The following KIF5C variants were observed in gnomAD, a reference collection of about 807,000 sequenced individuals.
The protein encoded by KIF5C is kinesin family member 5C.
KIF5C carries 18 observed loss-of-function variants against 125.2 expected under a neutral mutation model. That is an observed-to-expected ratio of 0.14 (90% CI 0.10 to 0.21). The LOEUF (loss-of-function observed/expected upper bound fraction) is 0.21. Among genes scored for constraint, KIF5C ranks in the 10% least tolerant of loss-of-function variants. KIF5C has a pLI of 1.00. For synonymous variants in KIF5C, 405 were observed against 434.0 expected (o/e 0.93, Z 0.83); for missense variants, 780 against 1,183.8 (o/e 0.66, Z 5.01).
intron 8 of KIF5C, among the ~76,000 whole-genome samples, chr2:148,948,150 A>G (rs1474045739): frequency 4.6e-5 from 7 of 151,572 alleles, no homozygotes; most frequent in Non-Finnish European, 1.0e-4. Context: ...GATCGAGACC[A>G]TCCTGGCTAA....
intron 2 of KIF5C, among the ~76,000 whole-genome samples, chr2:148,926,771 C>T (rs1253437874): frequency 6.6e-6 from 1 of 152,162 alleles, no homozygotes; most frequent in Non-Finnish European, 1.5e-5. Context: ...CTTCAAAGGG[C>T]CTTTTCGTTT....
At chr2:148,985,250 G>A (rs904498938) in intron 15 of KIF5C, among the ~76,000 whole-genome samples, 1 of 152,082 alleles carries the variant, frequency 6.6e-6, no homozygotes, top group Admixed American at 6.5e-5. Context: ...ATATAGAAAG[G>A]CTATTGTTGT....
chr2:148,929,410 G>A (rs1439786107), intron 3 of KIF5C, 56 bp downstream of exon 3: 15 of 1,180,002 alleles, frequency 1.3e-5, no homozygotes, highest in Admixed American at 2.1e-5. Flanking sequence ...TGGAACTGAC[G>A]TTTCCAGCAA....
chr2:148,932,447 G>A (rs1269793859), intron 3 of KIF5C, among the ~76,000 whole-genome samples: 1 of 152,198 alleles, frequency 6.6e-6, no homozygotes, highest in Non-Finnish European at 1.5e-5. Flanking sequence ...GTAAATATAT[G>A]ACTCACTGGA....
At chr2:148,932,157 G>C (rs765811466) in intron 3 of KIF5C, among the ~76,000 whole-genome samples, 4 of 152,148 alleles carry the variant, frequency 2.6e-5, no homozygotes, top group Non-Finnish European at 5.9e-5. Context: ...AGTCAAAAAA[G>C]CCCTACAGGG....
At chr2:148,948,273 C>T (rs996874575) in intron 8 of KIF5C, among the ~76,000 whole-genome samples, 23 of 150,632 alleles carry the variant, frequency 1.5e-4, no homozygotes, top group Admixed American at 1.2e-3. Context: ...AGGAGAATGG[C>T]GTGAACCCGG....
intron 21 of KIF5C, among the ~76,000 whole-genome samples, chr2:149,002,179 C>A (rs915584993): frequency 6.6e-6 from 1 of 152,198 alleles, no homozygotes; most frequent in Non-Finnish European, 1.5e-5. Flanking sequence ...AAATATTGAA[C>A]ATTAAAATTT....
chr2:148,918,723 A>G (rs2105077528), intron 1 of KIF5C, among the ~76,000 whole-genome samples: 1 of 152,354 alleles, frequency 6.6e-6, no homozygotes, highest in South Asian at 2.1e-4. Flanking sequence ...GCTGAGGGCA[A>G]AGAGGGTCTA....
At chr2:148,989,596 C>T (rs577652420) in intron 15 of KIF5C, among the ~76,000 whole-genome samples, 32 of 152,348 alleles carry the variant, frequency 2.1e-4, no homozygotes, top group Non-Finnish European at 4.3e-4. Context: ...AGTTTACGTT[C>T]CCACCAGCAG....
At chr2:149,000,547 C>T in intron 20 of KIF5C, 23 bp downstream of exon 20, 2 of 1,544,014 alleles carry the variant, frequency 1.3e-6, no homozygotes, top group Non-Finnish European at 8.8e-7. Context: ...TAAATATTTC[C>T]TCTATTTTCT....
intron 1 of KIF5C, among the ~76,000 whole-genome samples, chr2:148,875,990 G>A (rs1027298351): frequency 2.6e-5 from 4 of 151,844 alleles, no homozygotes; most frequent in Non-Finnish European, 4.4e-5. Flanking sequence ...GCGAAGACGG[G>A]CTCGGCGCCG....
intron 8 of KIF5C, chr2:148,947,358 G>A (rs1682542839): frequency 4.4e-6 from 1 of 228,288 alleles, no homozygotes; most frequent in Non-Finnish European, 8.5e-6. Context: ...TCTGAGAAAA[G>A]AGAAAATCCC....
intron 15 of KIF5C, among the ~76,000 whole-genome samples, chr2:148,988,052 C>T (rs1681428188): frequency 6.6e-6 from 1 of 151,870 alleles, no homozygotes; most frequent in Non-Finnish European, 1.5e-5. Context: ...GGTCTTTTCT[C>T]CTGGGTTGGT....
chr2:148,881,263 T>C (rs190749169), intron 1 of KIF5C, among the ~76,000 whole-genome samples: 4 of 152,276 alleles, frequency 2.6e-5, no homozygotes, highest in Admixed American at 2.6e-4. Flanking sequence ...ATTCTCCTGG[T>C]TGGAATACCC....
rs187877684 is a variant in KIF5C at position 148,969,182 on chromosome 2, G to A, written c.1118-4154G>A. Among the ~76,000 whole-genome samples, 570 of 152,166 alleles carry A rather than the reference G, an allele frequency of 3.7e-3. 4 individuals are homozygous for A. The highest frequency in any genetic ancestry group is 0.013 in the African/African-American group (543 of 41,536). On this transcript the variant is annotated intron_variant, in intron 11 of 25. Transcript: ENST00000435030. ...TTTTAGAAATTTTAATAGCCCTAAT[G>A]AGAATTTTTGATTAGTGTGTCATTC...
intron 1 of KIF5C, among the ~76,000 whole-genome samples, chr2:148,909,162 C>A (rs1418361746): frequency 6.6e-6 from 1 of 152,212 alleles, no homozygotes; most frequent in Non-Finnish European, 1.5e-5. Context: ...CTGGGCTCTG[C>A]CTGGCTCTTC....
chr2:148,989,114 A>G (rs569886525), intron 15 of KIF5C, among the ~76,000 whole-genome samples: 1 of 152,052 alleles, frequency 6.6e-6, no homozygotes, highest in South Asian at 2.1e-4. Context: ...CCCTCACCCC[A>G]CTTCCCACCC....
chr2:148,979,831 A>C (rs568578306), intron 13 of KIF5C, among the ~76,000 whole-genome samples: 1 of 152,348 alleles, frequency 6.6e-6, no homozygotes, highest in South Asian at 2.1e-4. Flanking sequence ...CCCCAAAGGC[A>C]TTCAGTTCTT....
intron 16 of KIF5C, among the ~76,000 whole-genome samples, chr2:148,993,504 G>T (rs1681582384): frequency 6.6e-6 from 1 of 152,216 alleles, no homozygotes; most frequent in African/African-American, 2.4e-5. Flanking sequence ...TAAGGAATCT[G>T]ACACAGTCTT....
Sources: allele counts gnomAD v4.1 joint callset (sites outside exome capture counted in the v4.1 genomes callset), GRCh38; gene constraint gnomAD v4.1.1; transcripts MANE v1.5; gene names NCBI Gene and HGNC (gene_info 2026-07-23, HGNC 2026-07-21).